PCDHGB2: variants seen among roughly 807,000 people sequenced by gnomAD.
PCDHGB2 encodes the protein protocadherin gamma-B2.
Under a neutral mutation model 59.3 loss-of-function variants are expected in PCDHGB2, and 55 were observed. That is an observed-to-expected ratio of 0.93 (90% CI 0.75 to 1.16). The LOEUF (loss-of-function observed/expected upper bound fraction) is 1.16. PCDHGB2 is among the 50% of genes most tolerant of loss of function. The pLI is 0.00. For missense variants in PCDHGB2, 1,228 were observed against 1,198.5 expected (o/e 1.02, Z -0.36); for synonymous variants, 516 against 512.0 (o/e 1.01, Z -0.11).
At chr5:141,426,052 G>T (rs2096912121) in intron 1 of PCDHGB2, among the ~76,000 whole-genome samples, 1 of 152,162 alleles carries the variant, frequency 6.6e-6, no homozygotes, top group South Asian at 2.1e-4. Flanking sequence ...TGGCCAATGT[G>T]CTGCAAGAAC....
rs1443293202 is a variant in PCDHGB2 at position 141,360,088 on chromosome 5, C to G, written c.-48C>G. The G allele has an allele frequency of 6.7e-7, 1 of 1,503,738 alleles. No individual in the cohort carries two copies. Among genetic ancestry groups the G allele is most frequent in the Non-Finnish European group, 8.9e-7 (1 of 1,126,288 alleles). 93.1% of individuals were successfully genotyped at this position (1,503,738 alleles called of 1,614,324 possible). A position where few individuals can be genotyped will look rare whatever the true frequency, so the allele number is the denominator to read the frequency against. On this transcript the variant is annotated 5_prime_UTR_variant, in exon 1 of 4. Coordinates refer to ENST00000522605, the MANE Select transcript of PCDHGB2 (RefSeq NM_018923.3). ...ACCTTAGCCCGGATTCTGCCATCCCCGGAAGGCTTATTCCTCCTATGGGCA... is the reference window on the plus strand; with the variant it reads ...ACCTTAGCCCGGATTCTGCCATCCCGGGAAGGCTTATTCCTCCTATGGGCA...
rs1379095967 is a variant in PCDHGB2 at position 141,422,752 on chromosome 5, A to C, written c.2421+60196A>C. The C allele has an allele frequency of 6.2e-7, 1 of 1,612,064 alleles. No homozygotes were observed. The highest frequency in any genetic ancestry group is 1.3e-5 in the African/African-American group (1 of 74,892). On this transcript the variant is annotated intron_variant, in intron 1 of 3. Transcript: ENST00000522605. The stretch of plus-strand genomic sequence containing the variant: ...GCCTCTGTCCTCCTATGTCTCTATT[A>C]ACTCCAACACTGGTGTTCTCTATGC...
chr5:141,397,450 A>G (rs1434264337), intron 1 of PCDHGB2, among the ~76,000 whole-genome samples: 1 of 152,258 alleles, frequency 6.6e-6, no homozygotes, highest in Admixed American at 6.5e-5. Context: ...AATATAAAAC[A>G]CTAGAAATAT....
At chr5:141,370,645 T>TA in intron 1 of PCDHGB2, 1 of 1,613,922 alleles carries the variant, frequency 6.2e-7, no homozygotes, top group Non-Finnish European at 8.5e-7. Flanking sequence ...AATGGGAACT[T>TA]ACTTGTGAGC....
Position 141,376,694 on chromosome 5 carries a change from T to A in PCDHGB2, c.2421+14138T>A, listed in dbSNP as rs77365062. On this transcript the variant is annotated intron_variant, in intron 1 of 3. Coordinates refer to ENST00000522605, the MANE Select transcript of PCDHGB2 (RefSeq NM_018923.3). Reference sequence around the variant, plus strand: ...GGGTATCGTTTTTTTTTTTTTTTTTTTTTGAGACGGAGTCTCGCTCTGTCG... The same window carrying A: ...GGGTATCGTTTTTTTTTTTTTTTTTATTTGAGACGGAGTCTCGCTCTGTCG... The A allele has an allele frequency of 5.1e-6, 4 of 779,702 alleles. 1 individual carries two copies. The highest frequency in any genetic ancestry group is 3.9e-6 in the Non-Finnish European group (2 of 515,410). 48.3% of individuals were successfully genotyped at this position (779,702 alleles called of 1,614,324 possible).
At chr5:141,389,500 C>A in intron 1 of PCDHGB2, 1 of 1,613,056 alleles carries the variant, frequency 6.2e-7, no homozygotes, top group Non-Finnish European at 8.5e-7. Context: ...GGCTCGCCAG[C>A]GCTCAGCGCG....
At chr5:141,455,225 C>CA (rs2098817003) in intron 1 of PCDHGB2, among the ~76,000 whole-genome samples, 2 of 151,666 alleles carry the variant, frequency 1.3e-5, no homozygotes, top group South Asian at 2.1e-4. Context: ...AATGCTTTGA[C>CA]AAAAAATGTT....
chr5:141,471,626 G>A (rs938624727), intron 1 of PCDHGB2: 2 of 152,108 alleles, frequency 1.3e-5, no homozygotes, highest in South Asian at 4.1e-4. Context: ...GTAAGCATTG[G>A]TATGGATTAG....
chr5:141,414,152 A>T, intron 1 of PCDHGB2: 1 of 1,600,994 alleles, frequency 6.2e-7, no homozygotes, highest in Non-Finnish European at 8.5e-7. Flanking sequence ...ATACAAGCAG[A>T]AGATGGAGGA....
At chr5:141,501,288 TATACAC>T (rs201660636) in intron 2 of PCDHGB2, among the ~76,000 whole-genome samples, 3 of 81,324 alleles carry the variant, frequency 3.7e-5, no homozygotes, top group African/African-American at 1.5e-4. Flanking sequence ...GATATTCCCT[TATACAC>T]ACACACACAC....
In PCDHGB2 at chr5:141,447,883, C is replaced by T. The variant is rs184337553; in HGVS notation, c.2422-46924C>T. Among the ~76,000 whole-genome samples the T allele has an allele frequency of 3.9e-3, 599 of 152,000 alleles. 3 individuals are homozygous for T. The highest frequency in any genetic ancestry group is 0.014 in the African/African-American group (563 of 41,452). ...GGTGAATCATCTGAGGTCAGGAGTT[C>T]GAGACCAGCCTGGCCAACATGGTGA... On this transcript the variant is annotated intron_variant, in intron 1 of 3. Coordinates refer to ENST00000522605, the MANE Select transcript of PCDHGB2 (RefSeq NM_018923.3).
intron 1 of PCDHGB2, chr5:141,383,106 A>T (rs760790560): frequency 6.2e-7 from 1 of 1,613,828 alleles, no homozygotes; most frequent in Non-Finnish European, 8.5e-7. Context: ...TCATCTCCAG[A>T]GGTAGGACGC....
At chr5:141,424,726 T>C (rs1041673348) in intron 1 of PCDHGB2, 7 of 152,218 alleles carry the variant, frequency 4.6e-5, no homozygotes, top group African/African-American at 4.8e-5. Context: ...TTGGGAGTCA[T>C]AGATTCCTTC....
intron 1 of PCDHGB2, chr5:141,409,361 G>A (rs754448763): frequency 6.2e-7 from 1 of 1,613,964 alleles, no homozygotes; most frequent in Non-Finnish European, 8.5e-7. Flanking sequence ...GTGTAATATA[G>A]AAACAGACAT....
intron 3 of PCDHGB2, among the ~76,000 whole-genome samples, chr5:141,505,995 C>T (rs1041284805): frequency 5.3e-5 from 8 of 152,142 alleles, no homozygotes; most frequent in African/African-American, 1.4e-4. Flanking sequence ...CCTCTTTATG[C>T]GAGGCTCCTC....
chr5:141,419,455 G>A lies in PCDHGB2; in HGVS notation c.2421+56899G>A, dbSNP rs770156844. 8.1e-6 allele frequency: 13 copies of A among 1,612,598 alleles called. No homozygotes were observed. The African/African-American group carries it at 1.7e-4, about 22-fold the overall frequency. ...AGCTGCGCACCTTCGAGCTCACGCT[G>A]CAGGCCCGCGACCAGGGCTCGCCCG... is the stretch of plus-strand genomic sequence containing the variant. On this transcript the variant is annotated intron_variant, in intron 1 of 3. Coordinates refer to ENST00000522605, the MANE Select transcript of PCDHGB2 (RefSeq NM_018923.3).
chr5:141,441,057 A>T (rs2098222263), intron 1 of PCDHGB2: 2 of 152,152 alleles, frequency 1.3e-5, no homozygotes, highest in South Asian at 4.1e-4. Flanking sequence ...ACTTTTAAAG[A>T]TTTTTAATTT....
At chr5:141,408,836 T>G in intron 1 of PCDHGB2, 1 of 1,613,680 alleles carries the variant, frequency 6.2e-7, no homozygotes, top group Non-Finnish European at 8.5e-7. Context: ...TAGCTTGATA[T>G]TGACTGCCTT....
At chr5:141,365,884 A>G (rs992274434) in intron 1 of PCDHGB2, 1 of 1,614,096 alleles carries the variant, frequency 6.2e-7, no homozygotes, top group Admixed American at 1.7e-5. Flanking sequence ...ATGCTCTGAG[A>G]TCCTTCGACT....
Sources: allele counts gnomAD v4.1 joint callset (sites outside exome capture counted in the v4.1 genomes callset), GRCh38; gene constraint gnomAD v4.1.1; transcripts MANE v1.5; gene names NCBI Gene and HGNC (gene_info 2026-07-23, HGNC 2026-07-21).